GRID2: variants seen among roughly 807,000 people sequenced by gnomAD.
The protein encoded by GRID2 is glutamate receptor ionotropic, delta-2.
A neutral mutation model predicts 114.8 loss-of-function variants in GRID2; 33 were observed. That is an observed-to-expected ratio of 0.29 (90% CI 0.22 to 0.38). GRID2 has a LOEUF of 0.38. GRID2 is among the 10% of genes least tolerant of loss of function. The pLI, the probability that GRID2 is intolerant of heterozygous loss-of-function variation, is 1.00. For synonymous variants in GRID2, 505 were observed against 449.9 expected, an observed-to-expected ratio of 1.12 and a Z score of -1.55; for missense variants, 1,184 against 1,257.7, an observed-to-expected ratio of 0.94 and a Z score of 0.89.
At chr4:93,398,694 C>T (rs927700838) in intron 9 of GRID2, among the ~76,000 whole-genome samples, 1 of 151,064 alleles carries the variant, frequency 6.6e-6, no homozygotes, top group African/African-American at 2.4e-5. Context: ...TTCCTGCAAG[C>T]TTAGCCCTGC....
intron 2 of GRID2, among the ~76,000 whole-genome samples, chr4:92,761,979 A>T (rs1738032554): frequency 6.6e-6 from 1 of 152,116 alleles, no homozygotes; most frequent in Non-Finnish European, 1.5e-5. Flanking sequence ...TCCAGGCTGG[A>T]GTGCAGTGGC....
intron 4 of GRID2, among the ~76,000 whole-genome samples, chr4:93,159,061 CTTTT>C (rs1227680909): frequency 6.9e-6 from 1 of 144,772 alleles, no homozygotes; most frequent in Non-Finnish European, 1.5e-5. Flanking sequence ...TCAGTTTGTG[CTTTT>C]TTTTTTTCTA....
At chr4:93,783,901 T>C (rs1734533082) in intron 1 of GRID2, among the ~76,000 whole-genome samples, 1 of 150,216 alleles carries the variant, frequency 6.7e-6, no homozygotes, top group African/African-American at 2.5e-5. Context: ...TGAAACCCCG[T>C]CTCTACTAAA....
chr4:93,303,136 G>C (rs577351519), intron 8 of GRID2, among the ~76,000 whole-genome samples: 9 of 152,194 alleles, frequency 5.9e-5, no homozygotes, highest in African/African-American at 1.9e-4. Context: ...ACCAGATCTT[G>C]TGAGAACTCA....
intron 2 of GRID2, among the ~76,000 whole-genome samples, chr4:92,932,617 C>T (rs1368086107): frequency 6.6e-6 from 1 of 151,228 alleles, no homozygotes; most frequent in Non-Finnish European, 1.5e-5. Context: ...CAAAACTATT[C>T]ATATAGCACA....
chr4:93,140,944 A>G (rs1440732924), intron 4 of GRID2, among the ~76,000 whole-genome samples: 2 of 152,266 alleles, frequency 1.3e-5, no homozygotes, highest in East Asian at 3.9e-4. Flanking sequence ...CTCACCTCAA[A>G]TATAAGATTA....
intron 2 of GRID2, among the ~76,000 whole-genome samples, chr4:92,748,639 T>TATTA (rs1737276746): frequency 8.6e-6 from 1 of 116,652 alleles, no homozygotes; most frequent in South Asian, 2.6e-4. Context: ...ATTGTATTAT[T>TATTA]ATTATTATTA....
At chr4:92,324,866 A>C (rs1202973921) in intron 1 of GRID2, among the ~76,000 whole-genome samples, 1 of 151,958 alleles carries the variant, frequency 6.6e-6, no homozygotes, top group East Asian at 1.9e-4. Context: ...CATAGTTTTC[A>C]CATATCATTT....
intron 2 of GRID2, among the ~76,000 whole-genome samples, chr4:92,766,127 G>T (rs946585414): frequency 6.6e-6 from 1 of 152,104 alleles, no homozygotes; most frequent in Non-Finnish European, 1.5e-5. Context: ...ATTTTCAGGG[G>T]TACATTCTTC....
intron 14 of GRID2, among the ~76,000 whole-genome samples, chr4:93,704,518 A>C (rs377446967): frequency 6.6e-6 from 1 of 151,990 alleles, no homozygotes; most frequent in Non-Finnish European, 1.5e-5. Flanking sequence ...CCATTTGTCA[A>C]TTTTGGCTTT....
intron 8 of GRID2, among the ~76,000 whole-genome samples, chr4:93,304,711 A>G (rs931747382): frequency 7.2e-5 from 11 of 152,174 alleles, no homozygotes; most frequent in African/African-American, 2.4e-4. Flanking sequence ...AAATTAAACT[A>G]AAACAAAACA....
intron 2 of GRID2, among the ~76,000 whole-genome samples, chr4:92,779,663 A>G (rs1279269625): frequency 6.6e-6 from 1 of 152,122 alleles, no homozygotes; most frequent in East Asian, 1.9e-4. Flanking sequence ...AAAATAAGGA[A>G]TGGGAGAAGG....
intron 1 of GRID2, among the ~76,000 whole-genome samples, chr4:92,482,904 T>C (rs1722686145): frequency 6.6e-6 from 1 of 152,222 alleles, no homozygotes; most frequent in Non-Finnish European, 1.5e-5. Context: ...TTTTAGAAAT[T>C]TATTTTTAAT....
In GRID2 at chr4:92,694,341, A is replaced by C. The variant is rs1279611409; in HGVS notation, c.244+104055A>C. ...GGTCTCCTGAGCCTGCTCCCTACCA[A>C]GCTCCAAAAGGAAGATGGGAGAAAG... On this transcript the variant is annotated intron_variant, in intron 2 of 15. Coordinates refer to ENST00000282020, the MANE Select transcript of GRID2 (RefSeq NM_001510.4). Among the ~76,000 whole-genome samples, 4 of 152,146 alleles carry C rather than the reference A, an allele frequency of 2.6e-5. 1 individual carries two copies. The highest frequency in any genetic ancestry group is 2.6e-4 in the Admixed American group (4 of 15,280).
intron 2 of GRID2, among the ~76,000 whole-genome samples, chr4:92,931,833 TG>T (rs1184464858): frequency 1.3e-5 from 2 of 151,248 alleles, no homozygotes; most frequent in African/African-American, 4.8e-5. Context: ...TGCAGTCAAT[TG>T]TTTTTTGACA....
intron 1 of GRID2, among the ~76,000 whole-genome samples, chr4:93,793,429 T>C (rs1326240754): frequency 6.6e-6 from 1 of 152,156 alleles, no homozygotes; most frequent in Admixed American, 6.5e-5. Context: ...TCTAGAACAA[T>C]GCCCTGACTT....
intron 2 of GRID2, among the ~76,000 whole-genome samples, chr4:92,958,150 T>A (rs1183282633): frequency 6.6e-6 from 1 of 152,050 alleles, no homozygotes; most frequent in African/African-American, 2.4e-5. Flanking sequence ...TATTTCTCTT[T>A]GTATAATTGT....
At chr4:93,701,150 A>G (rs1305537633) in intron 14 of GRID2, among the ~76,000 whole-genome samples, 1 of 152,174 alleles carries the variant, frequency 6.6e-6, no homozygotes, top group African/African-American at 2.4e-5. Context: ...ATTGGTATTA[A>G]ATATGTTTTA....
Position 93,348,633 on chromosome 4 carries a change from G to C in GRID2, c.1246-46974G>C, listed in dbSNP as rs1386661917. 2.0e-5 allele frequency among the ~76,000 whole-genome samples: 3 copies of C among 152,038 alleles called. No individual in the cohort carries two copies. The East Asian group carries it at 5.8e-4, about 29-fold the overall frequency. On this transcript the variant is annotated intron_variant, in intron 8 of 15. Transcript: ENST00000282020. ...AAGATGAGGCCCCAGACTGTGCTGG[G>C]GTTACCTCTAGAATTTGGGGGACAT... is the stretch of plus-strand genomic sequence containing the variant.
Sources: allele counts gnomAD v4.1 joint callset (sites outside exome capture counted in the v4.1 genomes callset), GRCh38; gene constraint gnomAD v4.1.1; transcripts MANE v1.5; gene names NCBI Gene and HGNC (gene_info 2026-07-23, HGNC 2026-07-21).